SGPP2: variants seen among roughly 807,000 people sequenced by gnomAD.
The protein encoded by SGPP2 is sphingosine 1-phosphate phosphohydrolase 2.
A neutral mutation model predicts 33.9 loss-of-function variants in SGPP2; 30 were observed. That is an observed-to-expected ratio of 0.89 (90% CI 0.66 to 1.20). The LOEUF is 1.20. Ranked by LOEUF, SGPP2 falls within the 50% of genes most tolerant of loss-of-function variation. The pLI, the probability that SGPP2 is intolerant of heterozygous loss-of-function variation, is 0.00. For synonymous variants in SGPP2, 233 were observed against 225.0 expected (o/e 1.04, Z -0.32); for missense variants, 458 against 532.1 (o/e 0.86, Z 1.37).
At chr2:222,532,877 A>C (rs1220854462) in intron 4 of SGPP2, among the ~76,000 whole-genome samples, 3 of 152,106 alleles carry the variant, frequency 2.0e-5, no homozygotes, top group African/African-American at 7.2e-5. Flanking sequence ...ATGGAAATAA[A>C]ACACAGGGGC....
intron 1 of SGPP2, among the ~76,000 whole-genome samples, chr2:222,471,549 C>T (rs1258455881): frequency 1.1e-4 from 17 of 152,054 alleles, no homozygotes. Flanking sequence ...TTCCTTGAAG[C>T]AGACATCACA....
At chr2:222,442,680 C>A (rs1267519280) in intron 1 of SGPP2, among the ~76,000 whole-genome samples, 2 of 152,188 alleles carry the variant, frequency 1.3e-5, no homozygotes, top group Non-Finnish European at 1.5e-5. Flanking sequence ...GGCTAAGAAT[C>A]TAAAATGCTT....
intron 1 of SGPP2, among the ~76,000 whole-genome samples, chr2:222,451,128 C>A (rs1697480034): frequency 4.2e-5 from 5 of 117,700 alleles, no homozygotes; most frequent in Non-Finnish European, 3.5e-5. Context: ...GAATAAAAAC[C>A]ATACAAAAAG....
chr2:222,468,218 G>A (rs1054168793), intron 1 of SGPP2, among the ~76,000 whole-genome samples: 13 of 152,032 alleles, frequency 8.6e-5, no homozygotes, highest in Non-Finnish European at 1.8e-4. Context: ...GGCGTGGGGC[G>A]GTTGTGGCAG....
At chr2:222,469,646 A>G (rs1197251563) in intron 1 of SGPP2, among the ~76,000 whole-genome samples, 1 of 152,074 alleles carries the variant, frequency 6.6e-6, no homozygotes, top group Non-Finnish European at 1.5e-5. Context: ...TATTTTACCT[A>G]CCATTTCTAA....
At chr2:222,474,472 C>A in intron 1 of SGPP2, 96 bp from the exon 2 acceptor site, 4 of 1,060,486 alleles carry the variant, frequency 3.8e-6, no homozygotes, top group African/African-American at 1.6e-5. Flanking sequence ...GAGGAGACAG[C>A]GTCTTGGCAA....
intron 2 of SGPP2, among the ~76,000 whole-genome samples, chr2:222,512,168 C>T (rs925008322): frequency 5.4e-4 from 82 of 152,080 alleles, no homozygotes; most frequent in Middle Eastern, 3.4e-3. Context: ...CCCGCCACCA[C>T]GCCCAGCTAA....
intron 1 of SGPP2, among the ~76,000 whole-genome samples, chr2:222,434,503 G>A (rs1272006233): frequency 6.6e-6 from 1 of 152,138 alleles, no homozygotes; most frequent in Non-Finnish European, 1.5e-5. Flanking sequence ...AAAGGGGGCA[G>A]TGGTTTCCCT....
chr2:222,467,950 GAA>G (rs61253653), intron 1 of SGPP2, among the ~76,000 whole-genome samples: 10 of 24,876 alleles, frequency 4.0e-4, no homozygotes, highest in African/African-American at 6.1e-4. Context: ...GCTCTAATCT[GAA>G]AAAAAAAAAA....
chr2:222,469,170 A>G (rs1412927711), intron 1 of SGPP2, among the ~76,000 whole-genome samples: 1 of 152,280 alleles, frequency 6.6e-6, no homozygotes, highest in South Asian at 2.1e-4. Context: ...GATGAGATGC[A>G]TGCTAAGAAA....
chr2:222,544,597 T>A (rs879409155), intron 4 of SGPP2, among the ~76,000 whole-genome samples: 2 of 152,226 alleles, frequency 1.3e-5, no homozygotes, highest in Non-Finnish European at 2.9e-5. Context: ...AAATAGTTGT[T>A]ATGCTTTATC....
intron 1 of SGPP2, among the ~76,000 whole-genome samples, chr2:222,435,854 T>G (rs1325121958): frequency 6.6e-6 from 1 of 152,246 alleles, no homozygotes; most frequent in Non-Finnish European, 1.5e-5. Context: ...TACCTTCTAC[T>G]GCCCATTCCC....
intron 1 of SGPP2, among the ~76,000 whole-genome samples, chr2:222,432,380 C>T (rs968392054): frequency 6.6e-6 from 1 of 152,192 alleles, no homozygotes; most frequent in African/African-American, 2.4e-5. Context: ...TTTCTTAAGA[C>T]AGAGGTTGCC....
intron 4 of SGPP2, among the ~76,000 whole-genome samples, chr2:222,540,817 G>GT (rs750932260): frequency 0.061 from 6,603 of 108,406 alleles, 637 homozygotes; most frequent in African/African-American, 0.14. Flanking sequence ...CTTATAAACT[G>GT]TTTTTTTTTT....
intron 2 of SGPP2, among the ~76,000 whole-genome samples, chr2:222,501,720 A>T (rs1698369886): frequency 6.6e-6 from 1 of 152,198 alleles, no homozygotes; most frequent in Non-Finnish European, 1.5e-5. Context: ...ATACTCTCTG[A>T]GGCTAGATCT....
At chr2:222,496,028 C>T (rs1698275412) in intron 2 of SGPP2, among the ~76,000 whole-genome samples, 1 of 152,174 alleles carries the variant, frequency 6.6e-6, no homozygotes, top group Non-Finnish European at 1.5e-5. Context: ...CCTTTACATT[C>T]AAGACACTTG....
intron 2 of SGPP2, among the ~76,000 whole-genome samples, chr2:222,487,338 A>T (rs984054885): frequency 6.6e-5 from 10 of 152,158 alleles, no homozygotes; most frequent in Non-Finnish European, 1.3e-4. Context: ...AGCCCGCTGG[A>T]TGTTACAAGT....
At chr2:222,555,550 A>G (rs1689379932) in intron 4 of SGPP2, among the ~76,000 whole-genome samples, 1 of 151,930 alleles carries the variant, frequency 6.6e-6, no homozygotes, top group African/African-American at 2.4e-5. Context: ...CATTCAATCA[A>G]AAAATGCAGG....
chr2:222,529,991 T>C (rs777916575), intron 4 of SGPP2, among the ~76,000 whole-genome samples: 8 of 152,248 alleles, frequency 5.3e-5, no homozygotes, highest in Non-Finnish European at 8.8e-5. Context: ...AACATAAATC[T>C]TGTACATCTT....
Sources: allele counts gnomAD v4.1 joint callset (sites outside exome capture counted in the v4.1 genomes callset), GRCh38; gene constraint gnomAD v4.1.1; transcripts MANE v1.5; gene names NCBI Gene and HGNC (gene_info 2026-07-23, HGNC 2026-07-21).